The following FNBP1 variants were observed in gnomAD, a reference collection of about 807,000 sequenced individuals.
FNBP1 encodes formin binding protein 1.
In FNBP1, 26 loss-of-function variants were observed where a neutral mutation model predicts 90.6. That is an observed-to-expected ratio of 0.29 (90% CI 0.21 to 0.40). The LOEUF is 0.40. Ranked by LOEUF, FNBP1 falls within the 10% of genes least tolerant of loss-of-function variation. The pLI, the probability that FNBP1 is intolerant of heterozygous loss-of-function variation, is 1.00. For synonymous variants in FNBP1, 260 were observed against 265.2 expected, an observed-to-expected ratio of 0.98 and a Z score of 0.19; for missense variants, 635 against 768.0, an observed-to-expected ratio of 0.83 and a Z score of 2.05.
intron 15 of FNBP1, among the ~76,000 whole-genome samples, chr9:129,897,884 C>A (rs952293042): frequency 6.6e-6 from 1 of 152,156 alleles, no homozygotes; most frequent in African/African-American, 2.4e-5. Flanking sequence ...TACTGGAGTA[C>A]AATGGCACGA....
At chr9:129,984,161 C>G (rs2051757322) in intron 2 of FNBP1, among the ~76,000 whole-genome samples, 1 of 151,642 alleles carries the variant, frequency 6.6e-6, no homozygotes, top group African/African-American at 2.4e-5. Flanking sequence ...AAGCTCACCA[C>G]AAGATTTCTG....
chr9:129,994,323 C>T (rs1215390827), intron 2 of FNBP1, among the ~76,000 whole-genome samples: 2 of 152,142 alleles, frequency 1.3e-5, no homozygotes, highest in African/African-American at 4.8e-5. Flanking sequence ...AGAATGCATA[C>T]CAAATGATTA....
chr9:129,970,198 C>T (rs1564464604), intron 4 of FNBP1, among the ~76,000 whole-genome samples: 1 of 150,996 alleles, frequency 6.6e-6, no homozygotes, highest in Non-Finnish European at 1.5e-5. Context: ...AGCCACTGCG[C>T]CTGGCCTTTT....
At chr9:129,973,645 C>T (rs866349137) in intron 4 of FNBP1, among the ~76,000 whole-genome samples, 214 of 150,992 alleles carry the variant, frequency 1.4e-3, no homozygotes, top group African/African-American at 1.9e-3. Context: ...GGACTACAGG[C>T]GCCCGCCACC....
intron 2 of FNBP1, among the ~76,000 whole-genome samples, chr9:129,990,040 G>T (rs2052879238): frequency 2.0e-5 from 3 of 151,932 alleles, no homozygotes; most frequent in Admixed American, 2.0e-4. Flanking sequence ...AAGAGGGAAG[G>T]GGAGGGGAGG....
At chr9:129,964,341 C>G (rs1485945128) in intron 4 of FNBP1, among the ~76,000 whole-genome samples, 1 of 152,120 alleles carries the variant, frequency 6.6e-6, no homozygotes, top group African/African-American at 2.4e-5. Context: ...AGAAAAGAGA[C>G]AGGAAATGCC....
chr9:130,044,052 C>T (rs1426765325), upstream of FNBP1, among the ~76,000 whole-genome samples: 10 of 152,222 alleles, frequency 6.6e-5, no homozygotes, highest in Admixed American at 6.5e-4. Flanking sequence ...AAACCCAGCG[C>T]TCATTTTATC....
At chr9:129,893,248 C>T (rs6478922) in intron 16 of FNBP1, among the ~76,000 whole-genome samples, 151,724 of 152,092 alleles carry the variant, frequency 1, 75,679 homozygotes, top group Non-Finnish European at 1. Flanking sequence ...GCTGCAATAT[C>T]TACAAAGAGG....
intron 1 of FNBP1, among the ~76,000 whole-genome samples, chr9:130,027,384 T>TA (rs1291256423): frequency 6.6e-6 from 1 of 152,210 alleles, no homozygotes; most frequent in Non-Finnish European, 1.5e-5. Flanking sequence ...CCTCAACTTT[T>TA]AAATTTCATA....
chr9:130,021,877 C>T (rs2057863894), intron 1 of FNBP1, among the ~76,000 whole-genome samples: 1 of 152,116 alleles, frequency 6.6e-6, no homozygotes, highest in African/African-American at 2.4e-5. Context: ...GTTGTTTTTT[C>T]CTGAAACAAG....
chr9:129,923,974 G>A lies in FNBP1; in HGVS notation c.1040C>T (p.Ser347Phe). The A allele has an allele frequency of 6.5e-7, 1 of 1,539,416 alleles. No homozygotes were observed. Among genetic ancestry groups the A allele is most frequent in the Non-Finnish European group, 8.7e-7 (1 of 1,148,922 alleles). The stretch of plus-strand genomic sequence containing the variant: ...GTTGGGAACAGCAGAGGGTGAGGCA[G>A]AGGCAGGAGGGGGAGGGGGAGGCTG... ...PHQPPPPPPA[S>F]ASPSAVPNGP... Residue 347 changes from serine to phenylalanine, a missense_variant, in exon 10 of 17, where the codon TCT (serine) becomes TTT (phenylalanine). Transcript: ENST00000446176.
chr9:129,938,166 AAAAT>A (rs1225144518), intron 6 of FNBP1, among the ~76,000 whole-genome samples: 2 of 152,184 alleles, frequency 1.3e-5, no homozygotes, highest in Admixed American at 1.3e-4. Flanking sequence ...CTGTCTCAAA[AAAAT>A]AAATAAATTA....
At chr9:129,996,481 G>T (rs1336883198) in intron 1 of FNBP1, among the ~76,000 whole-genome samples, 13 of 152,160 alleles carry the variant, frequency 8.5e-5, no homozygotes, top group Admixed American at 8.5e-4. Flanking sequence ...CCAGCAAAGG[G>T]ATTTCACAGA....
intron 10 of FNBP1, among the ~76,000 whole-genome samples, chr9:129,919,864 G>C (rs74930624): frequency 0.013 from 1,921 of 152,324 alleles, 18 homozygotes; most frequent in Middle Eastern, 0.024. Context: ...AGGTAGGAAG[G>C]GCTGTACCAT....
intron 4 of FNBP1, among the ~76,000 whole-genome samples, chr9:129,973,962 C>G (rs751337632): frequency 1.3e-5 from 2 of 151,992 alleles, no homozygotes; most frequent in East Asian, 1.9e-4. Flanking sequence ...AGGCATGCAC[C>G]ATCATGCCCA....
chr9:129,964,597 A>T (rs1428545135), intron 4 of FNBP1, among the ~76,000 whole-genome samples: 9 of 132,600 alleles, frequency 6.8e-5, no homozygotes, highest in East Asian at 6.1e-4. Flanking sequence ...GGCTGAGATT[A>T]AAAAAAAAAA....
intron 1 of FNBP1, among the ~76,000 whole-genome samples, chr9:130,010,422 T>A (rs1361052377): frequency 6.6e-6 from 1 of 152,168 alleles, no homozygotes; most frequent in Non-Finnish European, 1.5e-5. Flanking sequence ...AAAACCCGGA[T>A]ACTTTTTGTA....
intron 11 of FNBP1, among the ~76,000 whole-genome samples, chr9:129,910,461 G>A (rs1441821825): frequency 2.7e-5 from 3 of 110,996 alleles, no homozygotes; most frequent in East Asian, 3.1e-4. Flanking sequence ...CAGCCTGGGC[G>A]ACAATGCGAG....
intron 15 of FNBP1, among the ~76,000 whole-genome samples, chr9:129,896,819 C>G (rs1316259363): frequency 1.3e-5 from 2 of 150,932 alleles, no homozygotes; most frequent in Non-Finnish European, 3.0e-5. Flanking sequence ...TTAGTAGAGA[C>G]GAGGTTTCAC....
Sources: gnomAD v4.1 joint callset for allele counts (sites outside exome capture counted in the v4.1 genomes callset) on GRCh38, gnomAD v4.1.1 for gene constraint, MANE v1.5 for transcripts, NCBI Gene and HGNC (gene_info 2026-07-23, HGNC 2026-07-21) for gene names.